Variants in KAZN observed in about 807,000 individuals in gnomAD.
KAZN encodes the protein kazrin.
Under a neutral mutation model 87.4 loss-of-function variants are expected in KAZN, and 40 were observed. The observed-to-expected ratio is 0.46, with a 90% CI of 0.36 to 0.60. The LOEUF is 0.60. Among genes scored for constraint, KAZN ranks in the 20% least tolerant of loss-of-function variants. KAZN has a pLI of 0.00. For missense variants in KAZN, 898 were observed against 1,073.9 expected (o/e 0.84, Z 2.29); for synonymous variants, 466 against 458.3 (o/e 1.02, Z -0.22).
chr1:15,065,560 T>TCTGCACCCCAGCTAAGC lies in KAZN; in HGVS notation c.1099-69_1099-53dup, dbSNP rs1639158151. The TCTGCACCCCAGCTAAGC allele has an allele frequency of 1.5e-6, 2 of 1,364,110 alleles. 1 individual carries two copies. Among genetic ancestry groups the TCTGCACCCCAGCTAAGC allele is most frequent in the African/African-American group, 2.9e-5 (2 of 69,112 alleles). The allele number at this position is 1,364,110 out of a possible 1,614,324, so 84.5% of individuals were successfully genotyped here. On this transcript the variant is annotated intron_variant, in intron 7 of 14. Coordinates refer to ENST00000376030, the MANE Select transcript of KAZN (RefSeq NM_201628.3). ...CCACCCCGGATCCCATCCACTGCAG[T>TCTGCACCCCAGCTAAGC]CTGCACCCCAGCTAAGCTTGGCTTT...
chr1:14,312,644 A>C (rs1180880502), intron 2 of KAZN, among the ~76,000 whole-genome samples: 1 of 152,118 alleles, frequency 6.6e-6, no homozygotes, highest in Non-Finnish European at 1.5e-5. Context: ...TTGAGTTTGT[A>C]CTGGGCGTAG....
chr1:15,104,792 ACTAT>A (rs1641238672), intron 13 of KAZN, among the ~76,000 whole-genome samples: 1 of 152,174 alleles, frequency 6.6e-6, no homozygotes, highest in South Asian at 2.1e-4. Flanking sequence ...TCCTGTGTGA[ACTAT>A]CTAATTTCAT....
At chr1:14,863,338 G>A (rs547417253) in intron 1 of KAZN, among the ~76,000 whole-genome samples, 25 of 152,290 alleles carry the variant, frequency 1.6e-4, no homozygotes, top group East Asian at 1.2e-3. Context: ...CCCCATCGGG[G>A]CAGCAGACAC....
chr1:14,857,315 A>C (rs148191196), intron 1 of KAZN, among the ~76,000 whole-genome samples: 4 of 152,264 alleles, frequency 2.6e-5, no homozygotes, highest in African/African-American at 9.6e-5. Context: ...ACTTGAGCTC[A>C]GGAGTTCGAG....
At chr1:13,951,098 G>A (rs1053328746) in intron 1 of KAZN, among the ~76,000 whole-genome samples, 4 of 152,138 alleles carry the variant, frequency 2.6e-5, no homozygotes, top group Admixed American at 2.0e-4. Context: ...ATTTGCAGGC[G>A]ATACCATTGC....
intron 1 of KAZN, among the ~76,000 whole-genome samples, chr1:14,792,864 TA>T (rs1296657856): frequency 1.3e-5 from 2 of 151,332 alleles, no homozygotes; most frequent in Non-Finnish European, 2.9e-5. Context: ...TAGTCCCAGC[TA>T]CTTGGGAGGC....
chr1:14,803,796 T>A (rs1265414462), intron 1 of KAZN, among the ~76,000 whole-genome samples: 1 of 152,248 alleles, frequency 6.6e-6, no homozygotes, highest in East Asian at 1.9e-4. Flanking sequence ...ATTGGCGCTC[T>A]GGAGCCACTG....
At chr1:14,620,529 T>C (rs185928124) in intron 1 of KAZN, among the ~76,000 whole-genome samples, 87 of 152,324 alleles carry the variant, frequency 5.7e-4, no homozygotes, top group Admixed American at 2.0e-3. Context: ...GGGAGCCCTG[T>C]TGGATAGATT....
intron 1 of KAZN, among the ~76,000 whole-genome samples, chr1:14,653,223 G>A (rs574497550): frequency 6.6e-6 from 1 of 152,342 alleles, no homozygotes; most frequent in South Asian, 2.1e-4. Flanking sequence ...TGGAAAGTGA[G>A]GGAAAGAGGC....
intron 2 of KAZN, among the ~76,000 whole-genome samples, chr1:14,460,409 C>T (rs574179707): frequency 2.6e-4 from 40 of 152,300 alleles, no homozygotes; most frequent in African/African-American, 7.7e-4. Flanking sequence ...TTGAGCAAGG[C>T]GGTGAGGATC....
At position 14,514,013 on chromosome 1, in the gene KAZN, G is replaced by C. The variant is rs1454334203; in HGVS notation, c.250-84970G>C. On this transcript the variant is annotated intron_variant, in intron 2 of 16. Transcript: ENST00000636203. The stretch of plus-strand genomic sequence containing the variant: ...TTGAGTTTTTGAGGCATAAGCACCA[G>C]CTGAGCCGAAAAAAAATATTTTTTA... Among the ~76,000 whole-genome samples, 2 of 151,536 alleles carry C rather than the reference G, an allele frequency of 1.3e-5. 1 individual carries two copies. The highest frequency in any genetic ancestry group is 4.9e-5 in the African/African-American group (2 of 41,230).
At chr1:14,661,864 C>T (rs1639192751) in intron 1 of KAZN, among the ~76,000 whole-genome samples, 1 of 151,998 alleles carries the variant, frequency 6.6e-6, no homozygotes, top group Middle Eastern at 3.2e-3. Flanking sequence ...TACAGTGAGC[C>T]GAGATCACGC....
intron 1 of KAZN, among the ~76,000 whole-genome samples, chr1:14,124,897 T>C (rs1644830821): frequency 6.6e-6 from 1 of 152,100 alleles, no homozygotes; most frequent in Admixed American, 6.5e-5. Flanking sequence ...GGGGCAGCAC[T>C]GGGGAGGGGA....
intron 1 of KAZN, among the ~76,000 whole-genome samples, chr1:14,120,442 T>C (rs1005027650): frequency 1.3e-5 from 2 of 152,196 alleles, no homozygotes; most frequent in Non-Finnish European, 1.5e-5. Flanking sequence ...GGGACTACAA[T>C]TGAACATGAG....
At chr1:14,397,486 G>A (rs753752362) in intron 2 of KAZN, among the ~76,000 whole-genome samples, 33 of 152,124 alleles carry the variant, frequency 2.2e-4, no homozygotes, top group Non-Finnish European at 4.9e-4. Flanking sequence ...ATGACATTGA[G>A]TGTTAGGGAT....
chr1:14,701,467 C>T (rs916389852), intron 1 of KAZN, among the ~76,000 whole-genome samples: 2 of 152,176 alleles, frequency 1.3e-5, no homozygotes, highest in Non-Finnish European at 2.9e-5. Flanking sequence ...GTACCCTGCA[C>T]ACACTCTCCA....
intron 2 of KAZN, among the ~76,000 whole-genome samples, chr1:14,283,572 T>C (rs1653011822): frequency 6.6e-6 from 1 of 152,206 alleles, no homozygotes; most frequent in Non-Finnish European, 1.5e-5. Flanking sequence ...ATGGTTATGA[T>C]TTAAAAATTA....
chr1:14,576,580 G>A (rs559574012), intron 2 of KAZN, among the ~76,000 whole-genome samples: 1 of 152,300 alleles, frequency 6.6e-6, no homozygotes, highest in Admixed American at 6.5e-5. Context: ...CATTTTGGGG[G>A]CTTCTATGTA....
chr1:13,900,319 C>T (rs1202515690), intron 1 of KAZN, among the ~76,000 whole-genome samples: 2 of 152,078 alleles, frequency 1.3e-5, no homozygotes, highest in African/African-American at 4.8e-5. Flanking sequence ...CATTCCTTTC[C>T]TCCAGCAGCC....
Sources: allele counts gnomAD v4.1 joint callset (sites outside exome capture counted in the v4.1 genomes callset), GRCh38; gene constraint gnomAD v4.1.1; transcripts MANE v1.5; gene names NCBI Gene and HGNC (gene_info 2026-07-23, HGNC 2026-07-21).